NFATC2: variants seen among roughly 807,000 people sequenced by gnomAD.
NFATC2 encodes the protein nuclear factor of activated T cells 2.
Under a neutral mutation model 87.3 loss-of-function variants are expected in NFATC2, and 22 were observed. The ratio of observed to expected loss-of-function variants is 0.25; its 90% CI spans 0.18 to 0.36. The LOEUF (loss-of-function observed/expected upper bound fraction) is 0.36, where lower values mean the gene tolerates loss of function less well. Among genes scored for constraint, NFATC2 ranks in the 10% least tolerant of loss-of-function variants. The pLI is 1.00. For missense variants in NFATC2, 1,149 were observed against 1,259.1 expected (o/e 0.91, Z 1.32); for synonymous variants, 565 against 542.2 (o/e 1.04, Z -0.58).
At position 51,523,898 on chromosome 20, in the gene NFATC2, T is replaced by A; in HGVS notation, c.343A>T (p.Ile115Phe). ...GASGLSPRIE[I>F]TPSHELIQAV... Reference sequence around the variant, plus strand: ...TGGATCAGTTCGTGGGACGGAGTGATCTCGATCCGAGGGCTCAGGCCCGAG... The same window carrying A: ...TGGATCAGTTCGTGGGACGGAGTGAACTCGATCCGAGGGCTCAGGCCCGAG... The change falls in exon 2 of 11, where the codon ATC becomes TTC. Residue 115 changes from isoleucine to phenylalanine, a missense_variant. By Grantham distance (21) the Ile-to-Phe change is conservative. Around this residue, in one of 3 missense-constraint regions of NFATC2, gnomAD observed 563 missense variants for 585.2 expected, o/e 0.96. Transcript: ENST00000371564. The surrounding 1 kb of genome is among the most constrained non-coding windows in gnomAD (Gnocchi z 6.9). The A allele has an allele frequency of 6.2e-7, 1 of 1,606,206 alleles. No individual in the cohort carries two copies. Among genetic ancestry groups the A allele is most frequent in the Non-Finnish European group, 8.5e-7 (1 of 1,177,610 alleles).
chr20:51,548,434 C>T (rs1317202466), intron 1 of NFATC2, among the ~76,000 whole-genome samples: 2 of 152,170 alleles, frequency 1.3e-5, no homozygotes, highest in Non-Finnish European at 2.9e-5. Flanking sequence ...TGAATGCAGT[C>T]CCCACAAGGG....
chr20:51,444,070 T>C (rs1161664577), intron 6 of NFATC2, among the ~76,000 whole-genome samples: 1 of 152,056 alleles, frequency 6.6e-6, no homozygotes, highest in African/African-American at 2.4e-5. Flanking sequence ...CAACCTCCAC[T>C]TCCCAGGTTC....
intron 6 of NFATC2, among the ~76,000 whole-genome samples, chr20:51,436,922 T>A (rs910545029): frequency 6.6e-6 from 1 of 152,128 alleles, no homozygotes; most frequent in South Asian, 2.1e-4. Context: ...GGGAAGCCAG[T>A]GACTTCAGTG....
At chr20:51,540,659 T>TTTTTTTTTTTTTTTTTTTTTTTG (rs1600993612) in intron 1 of NFATC2, among the ~76,000 whole-genome samples, 1 of 100,074 alleles carries the variant, frequency 1.0e-5, no homozygotes, top group East Asian at 4.2e-4. Flanking sequence ...TTTTTTTTTG[T>TTTTTTTTTTTTTTTTTTTTTTTG]TTTTTTTTTT....
intron 9 of NFATC2, among the ~76,000 whole-genome samples, chr20:51,430,549 C>T (rs1982553233): frequency 6.6e-6 from 1 of 152,180 alleles, no homozygotes; most frequent in Non-Finnish European, 1.5e-5. Context: ...AGAGGTCAGC[C>T]TTGTAAGGCA....
chr20:51,435,837 T>G, intron 6 of NFATC2, 76 bp from the exon 7 acceptor site: 1 of 1,234,926 alleles, frequency 8.1e-7, no homozygotes, highest in Non-Finnish European at 1.2e-6. Context: ...CTCACCAACT[T>G]CTGTTTATCT....
chr20:51,396,377 C>T (rs1987145216), intron 10 of NFATC2, among the ~76,000 whole-genome samples: 1 of 152,040 alleles, frequency 6.6e-6, no homozygotes, highest in South Asian at 2.1e-4. Flanking sequence ...GGTATTAATA[C>T]TTCAGGTGCA....
At chr20:51,429,637 C>A (rs568655087) in intron 9 of NFATC2, among the ~76,000 whole-genome samples, 1 of 152,228 alleles carries the variant, frequency 6.6e-6, no homozygotes, top group African/African-American at 2.4e-5. Flanking sequence ...GCGTGCGATG[C>A]GCTCTCCTTT....
rs557475226 is a variant in NFATC2 at position 51,406,626 on chromosome 20, G to A, written c.2723-7896C>T. 2.2e-3 allele frequency among the ~76,000 whole-genome samples: 332 copies of A among 152,306 alleles called. 2 individuals carry two copies. Among genetic ancestry groups the A allele is most frequent in the African/African-American group, 7.5e-3 (312 of 41,566 alleles). ...ATGTTCTCCAGCAGAAGGGGAAAAC[G>A]TAGGCTCAATTCCCACAAACCCACC... On this transcript the variant is annotated intron_variant, in intron 9 of 10. Transcript: ENST00000371564.
At chr20:51,449,789 T>C (rs1015400150) in intron 6 of NFATC2, among the ~76,000 whole-genome samples, 1 of 152,296 alleles carries the variant, frequency 6.6e-6, no homozygotes, top group South Asian at 2.1e-4. Flanking sequence ...ACCAGTAAAA[T>C]TGAGAAAACA....
chr20:51,424,927 C>T (rs1169911409), intron 9 of NFATC2, among the ~76,000 whole-genome samples: 3 of 151,254 alleles, frequency 2.0e-5, no homozygotes, highest in South Asian at 2.1e-4. Context: ...TGGTTCTCTG[C>T]GGGAGGGGTG....
In NFATC2 at chr20:51,390,923, G is replaced by A; in HGVS notation, c.*573C>T. 4.6e-6 allele frequency: 1 copy of A among 215,322 alleles called. No homozygotes were observed. Among genetic ancestry groups the A allele is most frequent in the Non-Finnish European group, 9.1e-6 (1 of 109,636 alleles). 13.3% of individuals were successfully genotyped at this position (215,322 alleles called of 1,614,324 possible). A position where few individuals can be genotyped will look rare whatever the true frequency, so the allele number is the denominator to read the frequency against. Reference sequence around the variant, plus strand: ...TCTTCAGCCTGTAAGCTGGGCTCTTGGGTCACGTTCCTTTGGTTGCTCTGA... The same window carrying A: ...TCTTCAGCCTGTAAGCTGGGCTCTTAGGTCACGTTCCTTTGGTTGCTCTGA... On this transcript the variant is annotated 3_prime_UTR_variant, in exon 11 of 11. Transcript: ENST00000371564.
chr20:51,473,794 G>GC (rs1294792919), intron 5 of NFATC2, among the ~76,000 whole-genome samples, 186 bp downstream of exon 5: 1 of 152,210 alleles, frequency 6.6e-6, no homozygotes, highest in Non-Finnish European at 1.5e-5. Context: ...AATAGAAGCA[G>GC]CAAGAGAACA....
At chr20:51,464,652 T>C (rs1332460794) in intron 5 of NFATC2, among the ~76,000 whole-genome samples, 1 of 139,516 alleles carries the variant, frequency 7.2e-6, no homozygotes. Flanking sequence ...AAGGAGACAA[T>C]CTAGTGCCGG....
At chr20:51,507,725 G>C (rs2076208104) in intron 3 of NFATC2, among the ~76,000 whole-genome samples, 1 of 152,160 alleles carries the variant, frequency 6.6e-6, no homozygotes, top group Admixed American at 6.5e-5. Context: ...AGGCAGCATG[G>C]GCCAGTGGTC....
intron 6 of NFATC2, among the ~76,000 whole-genome samples, chr20:51,450,359 C>T (rs1015619482): frequency 1.4e-4 from 21 of 152,106 alleles, no homozygotes; most frequent in Admixed American, 1.1e-3. Flanking sequence ...TAATGAATAT[C>T]ACAAGACCAT....
intron 9 of NFATC2, among the ~76,000 whole-genome samples, chr20:51,403,338 G>A (rs1034387654): frequency 2.0e-5 from 3 of 152,174 alleles, no homozygotes; most frequent in African/African-American, 4.8e-5. Context: ...GCCCTTGCAC[G>A]TACTGCTATC....
rs1357902478 is a variant in NFATC2, at chr20:51,523,491, G to C, written c.750C>G (p.Ala250=). Residue 250 remains alanine, a synonymous_variant, in exon 2 of 11, where the codon GCC becomes GCG. Transcript: ENST00000371564. This position sits in a 1 kb window ranked among gnomAD's most constrained non-coding sequence, Gnocchi z 6.9. ...RPASRSSSPG[A]KRRHSCAEAL... Reference sequence around the variant, plus strand: ...CCTCGGCGCACGAATGCCTCCGCTTGGCACCAGGCGATGAGGAGCGGGAGG... The same window carrying C: ...CCTCGGCGCACGAATGCCTCCGCTTCGCACCAGGCGATGAGGAGCGGGAGG... 1 of 1,612,518 alleles carries C rather than the reference G, an allele frequency of 6.2e-7. No individual in the cohort carries two copies. The highest frequency in any genetic ancestry group is 8.5e-7 in the Non-Finnish European group (1 of 1,179,300).
At chr20:51,511,240 C>T (rs2076267013) in intron 3 of NFATC2, among the ~76,000 whole-genome samples, 1 of 152,220 alleles carries the variant, frequency 6.6e-6, no homozygotes, top group Non-Finnish European at 1.5e-5. Context: ...CATTTCCTTT[C>T]ATTGCCTGGC....
Sources: gnomAD v4.1 joint callset for allele counts (sites outside exome capture counted in the v4.1 genomes callset) on GRCh38, gnomAD v4.1.1 for gene constraint, gnomAD v4.1.1 regional missense constraint, Gnocchi (gnomAD v3.1) non-coding constraint, MANE v1.5 for transcripts, NCBI Gene and HGNC (gene_info 2026-07-23, HGNC 2026-07-21) for gene names.